Variants in LNPEP observed in about 807,000 individuals in gnomAD.
LNPEP encodes the protein leucyl-cystinyl aminopeptidase.
Under a neutral mutation model 120.6 loss-of-function variants are expected in LNPEP, and 64 were observed. The ratio of observed to expected loss-of-function variants is 0.53; its 90% CI spans 0.43 to 0.65. The LOEUF is 0.65. Ranked by LOEUF, LNPEP falls within the 30% of genes least tolerant of loss-of-function variation. The pLI is 0.00. For synonymous variants in LNPEP, 435 were observed against 425.4 expected (o/e 1.02, Z -0.28); for missense variants, 1,057 against 1,200.0 (o/e 0.88, Z 1.76).
rs745939514 is a variant in LNPEP, at chr5:96,993,876, T to C, written c.1312T>C (p.Phe438Leu). Residue 438 changes from phenylalanine (F) to leucine (L), a missense_variant, in exon 6 of 18, where the codon TTC becomes CTC. Coordinates refer to ENST00000231368, the MANE Select transcript of LNPEP (RefSeq NM_005575.3). ...AATGGAAAATTGGGGTTTGCTCACC[T>C]TCCGAGAGGAGACACTTCTGTATGA... ...GAMENWGLLT[F>L]REETLLYDSN... 3 of 1,613,928 alleles carry C rather than the reference T, an allele frequency of 1.9e-6. No individual in the cohort carries two copies. The highest frequency in any genetic ancestry group is 1.7e-5 in the Admixed American group (1 of 60,000).
intron 1 of LNPEP, among the ~76,000 whole-genome samples, chr5:96,970,919 T>TATTTTATTTTA: frequency 2.0e-5 from 3 of 152,188 alleles, no homozygotes; most frequent in Non-Finnish European, 4.4e-5. Context: ...ATAAAGAATG[T>TATTTTATTTTA]ACACCTTTTA....
rs531990553 is a variant in LNPEP at position 96,980,943 on chromosome 5, C to T, written c.860+965C>T. ...AAATAATTTTTATTTTATTTTCCCT[C>T]TATGTAATACTTTTAAAATAAATGG... On this transcript the variant is annotated intron_variant, in intron 2 of 17. Coordinates refer to ENST00000231368, the MANE Select transcript of LNPEP (RefSeq NM_005575.3). 2.6e-4 allele frequency among the ~76,000 whole-genome samples: 40 copies of T among 152,252 alleles called. No individual in the cohort carries two copies. In the South Asian group the frequency reaches 8.1e-3, roughly 31 times the overall value.
chr5:96,973,311 T>G (rs550451484), intron 1 of LNPEP, among the ~76,000 whole-genome samples: 16 of 152,192 alleles, frequency 1.1e-4, no homozygotes, highest in African/African-American at 3.9e-4. Context: ...AATTCTAGTG[T>G]TTTTCTTTCT....
intron 13 of LNPEP, among the ~76,000 whole-genome samples, chr5:97,021,043 C>T (rs200522028): frequency 3.3e-5 from 5 of 151,998 alleles, no homozygotes; most frequent in Admixed American, 6.5e-5. Context: ...CGCAAGTATA[C>T]GTTTAGCAAT....
At chr5:96,940,712 T>C (rs769670321) in intron 1 of LNPEP, among the ~76,000 whole-genome samples, 17 of 152,082 alleles carry the variant, frequency 1.1e-4, no homozygotes, top group Admixed American at 2.6e-4. Flanking sequence ...CATTAGGAAA[T>C]TGAGATTTGA....
chr5:96,961,371 G>A (rs1019979021), intron 1 of LNPEP, among the ~76,000 whole-genome samples: 3 of 152,080 alleles, frequency 2.0e-5, no homozygotes, highest in Non-Finnish European at 2.9e-5. Context: ...CTCTAGAGAA[G>A]TTAAAATTTA....
intron 8 of LNPEP, among the ~76,000 whole-genome samples, chr5:96,999,452 A>G (rs1240621149): frequency 6.6e-6 from 1 of 152,180 alleles, no homozygotes; most frequent in Non-Finnish European, 1.5e-5. Context: ...TTGTACAGGT[A>G]CTATTAACAA....
At chr5:97,020,959 C>T (rs545771763) in intron 13 of LNPEP, among the ~76,000 whole-genome samples, 3 of 152,090 alleles carry the variant, frequency 2.0e-5, no homozygotes, top group Non-Finnish European at 4.4e-5. Context: ...GGAAATACTT[C>T]GACATGGTAT....
chr5:96,963,642 T>C (rs1306922130), intron 1 of LNPEP, among the ~76,000 whole-genome samples: 1 of 152,212 alleles, frequency 6.6e-6, no homozygotes, highest in Non-Finnish European at 1.5e-5. Flanking sequence ...TCATTTCTGC[T>C]GCATTCCATT....
At chr5:97,010,131 A>G (rs1790890639) in intron 11 of LNPEP, 5 of 295,022 alleles carry the variant, frequency 1.7e-5, no homozygotes, top group Non-Finnish European at 2.5e-5. Flanking sequence ...TGATGGGGCC[A>G]TTTTTCCAGT....
At chr5:97,008,150 C>A (rs944668925) in intron 11 of LNPEP, among the ~76,000 whole-genome samples, 2 of 152,114 alleles carry the variant, frequency 1.3e-5, no homozygotes, top group Admixed American at 1.3e-4. Flanking sequence ...ATAACCCCAT[C>A]TCCCTATATC....
intron 5 of LNPEP, among the ~76,000 whole-genome samples, 191 bp from the exon 6 acceptor site, chr5:96,993,626 G>A (rs1230460856): frequency 1.3e-5 from 2 of 152,112 alleles, no homozygotes; most frequent in African/African-American, 4.8e-5. Context: ...ACTCTAAAAG[G>A]GTTTGAACAG....
At chr5:97,001,587 T>C (rs2112639326) in intron 8 of LNPEP, among the ~76,000 whole-genome samples, 1 of 152,098 alleles carries the variant, frequency 6.6e-6, no homozygotes, top group African/African-American at 2.4e-5. Flanking sequence ...GGAGATCAAC[T>C]AGGAAGGAAA....
chr5:96,959,933 C>CT (rs11316262), intron 1 of LNPEP, among the ~76,000 whole-genome samples: 3,682 of 113,068 alleles, frequency 0.033, 82 homozygotes, highest in Admixed American at 0.038. Flanking sequence ...TAAAATTTAT[C>CT]TTTTTTTTTT....
chr5:96,986,746 G>A, intron 4 of LNPEP, 76 bp downstream of exon 4: 1 of 1,300,672 alleles, frequency 7.7e-7, no homozygotes, highest in Non-Finnish European at 1.1e-6. Flanking sequence ...ACGATTCCTG[G>A]TATTTGCTGT....
At chr5:97,006,596 T>C (rs911612634) in intron 11 of LNPEP, 81 bp downstream of exon 11, 2 of 774,206 alleles carry the variant, frequency 2.6e-6, no homozygotes, top group East Asian at 5.1e-5. Flanking sequence ...GATTACACTT[T>C]CCAGTGTGCA....
chr5:96,958,090 G>A (rs1428762489), intron 1 of LNPEP, among the ~76,000 whole-genome samples: 9 of 152,188 alleles, frequency 5.9e-5, no homozygotes, highest in Admixed American at 5.9e-4. Context: ...ACCAAAGCCT[G>A]CCTTCAGGGC....
chr5:97,026,968 A>G (rs560185477), intron 16 of LNPEP, among the ~76,000 whole-genome samples: 62 of 152,336 alleles, frequency 4.1e-4, no homozygotes, highest in African/African-American at 1.3e-3. Flanking sequence ...TCTAAGTTCT[A>G]ATTAAGCCTA....
At chr5:96,997,783 A>T (rs1790551311) in intron 7 of LNPEP, among the ~76,000 whole-genome samples, 1 of 152,062 alleles carries the variant, frequency 6.6e-6, no homozygotes, top group Non-Finnish European at 1.5e-5. Context: ...TTGTTTAGGA[A>T]ATGCTAATTT....
Sources: allele counts gnomAD v4.1 joint callset (sites outside exome capture counted in the v4.1 genomes callset), GRCh38; gene constraint gnomAD v4.1.1; transcripts MANE v1.5; gene names NCBI Gene and HGNC (gene_info 2026-07-23, HGNC 2026-07-21).